Variants in MYO1E observed in about 807,000 individuals in gnomAD.
MYO1E encodes the protein unconventional myosin-Ie.
In MYO1E, 68 loss-of-function variants were observed where a neutral mutation model predicts 151.1. That is an observed-to-expected ratio of 0.45 (90% CI 0.37 to 0.55). The LOEUF is 0.55. Among genes scored for constraint, MYO1E ranks in the 20% least tolerant of loss-of-function variants. The pLI is 0.00. For synonymous variants in MYO1E, 601 were observed against 501.7 expected (o/e 1.20, Z -2.64); for missense variants, 1,363 against 1,389.3 (o/e 0.98, Z 0.30).
chr15:59,137,842 A>T (rs1187863641), intron 27 of MYO1E, among the ~76,000 whole-genome samples: 2 of 152,214 alleles, frequency 1.3e-5, no homozygotes, highest in African/African-American at 4.8e-5. Context: ...CACATGGCTA[A>T]TTTGGTCTGA....
intron 1 of MYO1E, among the ~76,000 whole-genome samples, chr15:59,355,887 C>T (rs1169659576): frequency 2.0e-5 from 3 of 151,994 alleles, no homozygotes; most frequent in African/African-American, 4.8e-5. Flanking sequence ...GGCTAATTTT[C>T]GTTTATTTTT....
chr15:59,341,439 TTCTA>T (rs2080765424), intron 1 of MYO1E: 1 of 152,176 alleles, frequency 6.6e-6, no homozygotes, highest in Non-Finnish European at 1.5e-5. Flanking sequence ...CTCTTATTCA[TTCTA>T]TTATTTCTAA....
intron 1 of MYO1E, among the ~76,000 whole-genome samples, chr15:59,361,794 G>A (rs560397715): frequency 8.1e-4 from 123 of 151,934 alleles, no homozygotes; most frequent in Non-Finnish European, 1.4e-3. Context: ...TGAACTTGGT[G>A]TGGATCTTTC....
chr15:59,185,829 C>G (rs756766069), intron 18 of MYO1E, among the ~76,000 whole-genome samples: 1 of 152,188 alleles, frequency 6.6e-6, no homozygotes, highest in African/African-American at 2.4e-5. Flanking sequence ...TGTCACAACT[C>G]AGAGGAAGGT....
intron 14 of MYO1E, among the ~76,000 whole-genome samples, chr15:59,205,989 AGATACTC>A (rs145371783): frequency 0.088 from 13,432 of 152,192 alleles, 735 homozygotes; most frequent in African/African-American, 0.16. Context: ...ACTCATGCTC[AGATACTC>A]TGTTTAACAA....
intron 22 of MYO1E, among the ~76,000 whole-genome samples, chr15:59,167,102 T>C (rs2079567238): frequency 6.6e-6 from 1 of 152,162 alleles, no homozygotes; most frequent in Non-Finnish European, 1.5e-5. Context: ...ATGCTTCAGG[T>C]CAGCAGGACA....
At chr15:59,202,508 A>T (rs2079808506) in intron 15 of MYO1E, 101 bp from the exon 16 acceptor site, 1 of 1,077,680 alleles carries the variant, frequency 9.3e-7, no homozygotes, top group Non-Finnish European at 1.4e-6. Flanking sequence ...CCCCAGGCAC[A>T]TAACCTTGGC....
chr15:59,244,229 T>C (rs2080116387), intron 4 of MYO1E, among the ~76,000 whole-genome samples: 1 of 152,242 alleles, frequency 6.6e-6, no homozygotes, highest in Admixed American at 6.5e-5. Context: ...CTGCCAAGAA[T>C]ATGGATGGCC....
chr15:59,221,075 T>C (rs114987022), intron 9 of MYO1E, among the ~76,000 whole-genome samples: 2,048 of 149,404 alleles, frequency 0.014, 43 homozygotes, highest in African/African-American at 0.047. Flanking sequence ...TTTCCCTTTT[T>C]GAGATGGAGA....
chr15:59,191,331 A>T (rs1265017515), intron 17 of MYO1E, among the ~76,000 whole-genome samples: 1 of 128,674 alleles, frequency 7.8e-6, no homozygotes, highest in Non-Finnish European at 1.6e-5. Flanking sequence ...ACAGACAGAG[A>T]CAGAGAGAGA....
At chr15:59,306,498 C>T (rs917445805) in intron 1 of MYO1E, among the ~76,000 whole-genome samples, 1 of 152,214 alleles carries the variant, frequency 6.6e-6, no homozygotes, top group Non-Finnish European at 1.5e-5. Flanking sequence ...CACTCCTCAT[C>T]CTCGTCTGAG....
In MYO1E at chr15:59,210,706, T is replaced by C. The variant is rs111784095; in HGVS notation, c.1276-106A>G. 1.5e-3 allele frequency: 1,179 copies of C among 770,186 alleles called. 16 individuals carry two copies. In the African/African-American group the frequency reaches 0.018, roughly 12 times the overall value. 47.7% of individuals were successfully genotyped at this position (770,186 alleles called of 1,614,324 possible). ...TTCCCATAAAAGAGAAAAACCTGAA[T>C]GTCCTGCAACAAAGACCAGGGACTT... On this transcript the variant is annotated intron_variant, in intron 12 of 27. Transcript: ENST00000288235.
At chr15:59,187,247 A>G (rs2079704156) in intron 18 of MYO1E, among the ~76,000 whole-genome samples, 2 of 152,250 alleles carry the variant, frequency 1.3e-5, no homozygotes, top group Non-Finnish European at 2.9e-5. Context: ...ATGCAATGAT[A>G]AAAAGACAAA....
chr15:59,343,689 C>T (rs1456357996), intron 1 of MYO1E, among the ~76,000 whole-genome samples: 1 of 151,928 alleles, frequency 6.6e-6, no homozygotes, highest in Non-Finnish European at 1.5e-5. Flanking sequence ...GGGCTTCATT[C>T]TTTTTTATTC....
In MYO1E at chr15:59,202,322, T is replaced by C; in HGVS notation, c.1698+4A>G. 1 of 1,612,814 alleles carries C rather than the reference T, an allele frequency of 6.2e-7. No homozygotes were observed. Among genetic ancestry groups the C allele is most frequent in the African/African-American group, 1.3e-5 (1 of 74,916 alleles). Reference sequence around the variant, plus strand: ...ATCTATAAACTTCCTAAAATAGAACTAACCTTTATTTTGCTTCCGGCAGTA... The same window carrying C: ...ATCTATAAACTTCCTAAAATAGAACCAACCTTTATTTTGCTTCCGGCAGTA... On this transcript the variant is annotated splice_donor_region_variant and intron_variant, in intron 16 of 27. Coordinates refer to ENST00000288235, the MANE Select transcript of MYO1E (RefSeq NM_004998.4).
At chr15:59,339,844 C>CT (rs869230500) in intron 1 of MYO1E, among the ~76,000 whole-genome samples, 3 of 122,564 alleles carry the variant, frequency 2.4e-5, no homozygotes, top group East Asian at 4.2e-4. Context: ...TATATACATA[C>CT]TTTTTTTTGT....
At chr15:59,234,781 C>A (rs1191576064) in intron 5 of MYO1E, among the ~76,000 whole-genome samples, 4 of 141,866 alleles carry the variant, frequency 2.8e-5, no homozygotes, top group African/African-American at 1.0e-4. Context: ...TGAGATCATG[C>A]CACTGCACTT....
At chr15:59,239,890 A>G (rs950615046) in intron 4 of MYO1E, among the ~76,000 whole-genome samples, 10 of 152,254 alleles carry the variant, frequency 6.6e-5, no homozygotes, top group Non-Finnish European at 1.5e-4. Flanking sequence ...ATATGCAACC[A>G]TAATTATGCT....
chr15:59,133,795 G>GACA lies in MYO1E; in HGVS notation c.*3582_*3584dup, dbSNP rs1163912808. ...CTACTGCCAGTGAAATCTTAACTGG[G>GACA]ACAACACCTATAAAAGAAATGGTAG... On this transcript the variant is annotated 3_prime_UTR_variant, in exon 28 of 28. Coordinates refer to ENST00000288235, the MANE Select transcript of MYO1E (RefSeq NM_004998.4). The GACA allele has an allele frequency of 1.3e-5, 2 of 152,318 alleles. No homozygotes were observed. Among genetic ancestry groups the GACA allele is most frequent in the Non-Finnish European group, 2.9e-5 (2 of 68,144 alleles). The allele number at this position is 152,318 out of a possible 1,614,324, so 9.4% of individuals were successfully genotyped here.
Sources: allele counts gnomAD v4.1 joint callset (sites outside exome capture counted in the v4.1 genomes callset), GRCh38; gene constraint gnomAD v4.1.1; transcripts MANE v1.5; gene names NCBI Gene and HGNC (gene_info 2026-07-23, HGNC 2026-07-21).